CDCA4: variants seen among roughly 807,000 people sequenced by gnomAD.
CDCA4 encodes cell division cycle associated 4.
For synonymous variants in CDCA4, 130 were observed against 137.0 expected, an observed-to-expected ratio of 0.95 and a Z score of 0.36; for missense variants, 294 against 322.1, an observed-to-expected ratio of 0.91 and a Z score of 0.67.
Position 105,011,108 on chromosome 14 carries a change from C to CTTG in CDCA4, c.*95_*96insCAA. On this transcript the variant is annotated 3_prime_UTR_variant, in exon 2 of 2. Coordinates refer to ENST00000336219, the MANE Select transcript of CDCA4 (RefSeq NM_017955.4). The stretch of plus-strand genomic sequence containing the variant: ...TTCTCAGAATCAGCAGACAGGGCAG[C>CTTG]AAGGCTGGGCCGCTGGCGGCAGGCG... 2 of 1,406,476 alleles carry CTTG rather than the reference C, an allele frequency of 1.4e-6. No individual in the cohort carries two copies. Among genetic ancestry groups the CTTG allele is most frequent in the Non-Finnish European group, 1.9e-6 (2 of 1,052,630 alleles). The allele number at this position is 1,406,476 out of a possible 1,614,324, so 87.1% of individuals were successfully genotyped here.
chr14:105,009,782 G>C lies in CDCA4; in HGVS notation c.*1422C>G, dbSNP rs1276747184. On this transcript the variant is annotated 3_prime_UTR_variant, in exon 2 of 2. Coordinates refer to ENST00000336219, the MANE Select transcript of CDCA4 (RefSeq NM_017955.4). ...AATTTGCTCTGCAACCCTGTGGGGG[G>C]GGGAAATAAAAGTAACCCAGCGTCC... 2 of 152,148 alleles carry C rather than the reference G, an allele frequency of 1.3e-5. No homozygotes were observed. Among genetic ancestry groups the C allele is most frequent in the Non-Finnish European group, 2.9e-5 (2 of 68,032 alleles). 9.4% of individuals were successfully genotyped at this position (152,148 alleles called of 1,614,324 possible).
In CDCA4 at chr14:105,010,000, T is replaced by C. The variant is rs777031277; in HGVS notation, c.*1204A>G. 4 of 152,286 alleles carry C rather than the reference T, an allele frequency of 2.6e-5. No individual in the cohort carries two copies. The highest frequency in any genetic ancestry group is 6.5e-5 in the Admixed American group (1 of 15,274). 9.4% of individuals were successfully genotyped at this position (152,286 alleles called of 1,614,324 possible). ...CATCACTGATATTTAAGAATGGCTA[T>C]ATGCACAAAAGAAAACACACCTTTT... On this transcript the variant is annotated 3_prime_UTR_variant, in exon 2 of 2. Transcript: ENST00000336219.
At position 105,014,251 on chromosome 14, in the gene CDCA4, G is replaced by A. The variant is rs980144060; in HGVS notation, c.-6-2316C>T. Among the ~76,000 whole-genome samples, 5 of 152,186 alleles carry A rather than the reference G, an allele frequency of 3.3e-5. No homozygotes were observed. In the East Asian group the frequency reaches 9.6e-4, roughly 29 times the overall value. Reference sequence around the variant, plus strand: ...CACAGCGCCGGACACGCACACATGCGCCTGCGGCAGCCGTGTCATCACACG... The same window carrying A: ...CACAGCGCCGGACACGCACACATGCACCTGCGGCAGCCGTGTCATCACACG... On this transcript the variant is annotated intron_variant, in intron 1 of 1. Transcript: ENST00000336219.
intron 1 of CDCA4, among the ~76,000 whole-genome samples, chr14:105,016,526 A>ACTATTT (rs1435697201): frequency 6.6e-6 from 1 of 152,184 alleles, no homozygotes; most frequent in East Asian, 1.9e-4. Flanking sequence ...TTTCTCCCGC[A>ACTATTT]CTATTTCTGC....
At chr14:105,015,469 AGCCAGGTTGCC>A (rs1900626525) in intron 1 of CDCA4, among the ~76,000 whole-genome samples, 1 of 152,250 alleles carries the variant, frequency 6.6e-6, no homozygotes, top group Admixed American at 6.5e-5. Flanking sequence ...CGGGCCAGGA[AGCCAGGTTGCC>A]CTAGTCAGAC....
At chr14:105,020,622 C>T (rs1443835006) in intron 1 of CDCA4, among the ~76,000 whole-genome samples, 5 of 152,222 alleles carry the variant, frequency 3.3e-5, no homozygotes, top group Non-Finnish European at 7.4e-5. Context: ...GCGTTCCCTC[C>T]GCTGCAACTA....
At chr14:105,020,503 G>A (rs917575070) in intron 1 of CDCA4, among the ~76,000 whole-genome samples, 14 of 152,252 alleles carry the variant, frequency 9.2e-5, no homozygotes, top group African/African-American at 3.1e-4. Flanking sequence ...ACCGCCGGAG[G>A]AGCCCAGGGA....
chr14:105,013,407 C>A (rs1009333482), intron 1 of CDCA4, among the ~76,000 whole-genome samples: 7 of 152,206 alleles, frequency 4.6e-5, no homozygotes, highest in African/African-American at 1.7e-4. Context: ...TTAAGTTTCT[C>A]TCTTCTCATG....
rs141593362 is a variant in CDCA4 at position 105,015,899 on chromosome 14, A to T, written c.-6-3964T>A. Among the ~76,000 whole-genome samples the T allele has an allele frequency of 8.9e-3, 1,353 of 152,022 alleles. 21 individuals carry two copies. Among genetic ancestry groups the T allele is most frequent in the African/African-American group, 0.031 (1,303 of 41,430 alleles). On this transcript the variant is annotated intron_variant, in intron 1 of 1. Coordinates refer to ENST00000336219, the MANE Select transcript of CDCA4 (RefSeq NM_017955.4). ...GTCTCAAAACTCCTGACCTCGGGTGATCCACTCACCTTGGCCTCCCAAAGT... is the reference window on the plus strand; with the variant it reads ...GTCTCAAAACTCCTGACCTCGGGTGTTCCACTCACCTTGGCCTCCCAAAGT...
At chr14:105,015,052 G>C (rs1317262818) in intron 1 of CDCA4, among the ~76,000 whole-genome samples, 1 of 152,150 alleles carries the variant, frequency 6.6e-6, no homozygotes, top group Non-Finnish European at 1.5e-5. Flanking sequence ...AATACCAATG[G>C]GACAGGCCAA....
intron 1 of CDCA4, among the ~76,000 whole-genome samples, chr14:105,014,276 G>A (rs938862785): frequency 1.3e-5 from 2 of 152,206 alleles, no homozygotes; most frequent in African/African-American, 2.4e-5. Flanking sequence ...GTCATCACAC[G>A]GACCTGGGGC....
intron 1 of CDCA4, among the ~76,000 whole-genome samples, chr14:105,018,764 T>G (rs1886149975): frequency 6.8e-6 from 1 of 147,476 alleles, no homozygotes. Context: ...TAAGACAGAG[T>G]CTCATTCTGT....
At chr14:105,017,724 G>A (rs947143867) in intron 1 of CDCA4, among the ~76,000 whole-genome samples, 7 of 152,036 alleles carry the variant, frequency 4.6e-5, no homozygotes, top group African/African-American at 1.4e-4. Context: ...CCAGCTACTC[G>A]GGAGGCTGAG....
At chr14:105,020,805 G>A (rs548223876) in intron 1 of CDCA4, among the ~76,000 whole-genome samples, 194 bp downstream of exon 1, 174 of 151,950 alleles carry the variant, frequency 1.1e-3, no homozygotes, top group African/African-American at 4.1e-3. Flanking sequence ...CGGCCACCCC[G>A]CGGGGGAACC....
chr14:105,011,318 CG>C lies in CDCA4; in HGVS notation c.611del (p.Pro204ArgfsTer43). On this transcript the variant is annotated frameshift_variant, in exon 2 of 2. Coordinates refer to ENST00000336219, the MANE Select transcript of CDCA4 (RefSeq NM_017955.4). LOFTEE classifies it low-confidence loss of function (END_TRUNC). ...AGCCCTCGAGCCCTTCGCAGGGGCC[CG>C]GCCTGGCACCCCCCATCATGCCTGT... is the stretch of plus-strand genomic sequence containing the variant. ...VLTGMMGGAR[P>X]GPCEGLEGLA... is the part of the protein sequence containing the mutation. 6.2e-7 allele frequency: 1 copy of C among 1,614,094 alleles called. No homozygotes were observed. Among genetic ancestry groups the C allele is most frequent in the Non-Finnish European group, 8.5e-7 (1 of 1,179,996 alleles).
At chr14:105,012,004 C>A (rs1012139593) in intron 1 of CDCA4, 69 bp from the exon 2 acceptor site, 4 of 1,519,658 alleles carry the variant, frequency 2.6e-6, no homozygotes, top group Non-Finnish European at 2.6e-6. Context: ...CCTTGGATTT[C>A]GTCTGACTGC....
chr14:105,018,695 T>C (rs1286471741), intron 1 of CDCA4, among the ~76,000 whole-genome samples: 2 of 151,812 alleles, frequency 1.3e-5, no homozygotes, highest in Non-Finnish European at 2.9e-5. Context: ...GAAAGGGCCC[T>C]ATACCATACC....
intron 1 of CDCA4, among the ~76,000 whole-genome samples, chr14:105,017,272 G>A (rs952873676): frequency 3.3e-5 from 5 of 151,958 alleles, no homozygotes; most frequent in Non-Finnish European, 7.4e-5. Flanking sequence ...GAGTGCAGTG[G>A]TGCAATCTCG....
chr14:105,013,443 C>A (rs529866890), intron 1 of CDCA4, among the ~76,000 whole-genome samples: 1 of 152,346 alleles, frequency 6.6e-6, no homozygotes, highest in African/African-American at 2.4e-5. Context: ...AATATTATTT[C>A]AAATAATTCA....
Sources: gnomAD v4.1 joint callset for allele counts (sites outside exome capture counted in the v4.1 genomes callset) on GRCh38, gnomAD v4.1.1 for gene constraint, MANE v1.5 for transcripts, NCBI Gene and HGNC (gene_info 2026-07-23, HGNC 2026-07-21) for gene names.